KDM4B: variants seen among roughly 807,000 people sequenced by gnomAD.
KDM4B encodes the protein lysine demethylase 4B.
A neutral mutation model predicts 125.2 loss-of-function variants in KDM4B; 32 were observed. The ratio of observed to expected loss-of-function variants is 0.26; its 90% CI spans 0.19 to 0.34. The LOEUF (loss-of-function observed/expected upper bound fraction) is 0.34, where lower values mean the gene tolerates loss of function less well. Among genes scored for constraint, KDM4B ranks in the 10% least tolerant of loss-of-function variants. KDM4B has a pLI of 1.00. For missense variants in KDM4B, 1,190 were observed against 1,577.7 expected (o/e 0.75, Z 4.16); for synonymous variants, 721 against 677.9 (o/e 1.06, Z -0.99).
chr19:5,090,982 C>T (rs1350790036), intron 9 of KDM4B, among the ~76,000 whole-genome samples: 3 of 152,118 alleles, frequency 2.0e-5, no homozygotes, highest in Admixed American at 2.0e-4. Flanking sequence ...CAGGATCCCC[C>T]GGCATGTGCT....
intron 3 of KDM4B, among the ~76,000 whole-genome samples, chr19:5,038,425 T>C (rs1015474059): frequency 1.3e-5 from 2 of 152,178 alleles, no homozygotes; most frequent in Non-Finnish European, 2.9e-5. Context: ...AGCTCCTGGA[T>C]GTCTCCAGAA....
chr19:5,135,247 G>T, intron 14 of KDM4B, 92 bp from the exon 15 acceptor site: 1 of 828,500 alleles, frequency 1.2e-6, no homozygotes, highest in East Asian at 2.6e-5. Flanking sequence ...GGGTGTCGAA[G>T]CCTGGGGCAG....
At position 5,144,363 on chromosome 19, in the gene KDM4B, A is replaced by G. The variant is rs767367756; in HGVS notation, c.2852A>G (p.Asn951Ser). Reference protein sequence around the residue: ...GAASQTCYEVNFDDGSYSDNL... With the variant: ...GAASQTCYEVSFDDGSYSDNL... The stretch of plus-strand genomic sequence containing the variant: ...GCCTCGCAGACCTGCTACGAAGTGA[A>G]CTTCGACGATGGCTCCTACAGCGAC... Residue 951 changes from asparagine (N) to serine (S), a missense_variant, in exon 20 of 23, where the codon AAC (asparagine) becomes AGC (serine). This residue lies in a region of KDM4B where 298 missense variants were observed against 439.7 expected (regional missense o/e 0.68). Transcript: ENST00000159111. The G allele has an allele frequency of 7.1e-7, 1 of 1,405,316 alleles. No homozygotes were observed. Among genetic ancestry groups the G allele is most frequent in the Non-Finnish European group, 9.4e-7 (1 of 1,067,316 alleles). The allele number at this position is 1,405,316 out of a possible 1,614,324, so 87.1% of individuals were successfully genotyped here.
chr19:4,987,504 A>G (rs568915591), intron 1 of KDM4B, among the ~76,000 whole-genome samples: 3 of 152,072 alleles, frequency 2.0e-5, no homozygotes, highest in South Asian at 2.1e-4. Flanking sequence ...CGGGGCTGGC[A>G]TGTCTCTGGT....
intron 1 of KDM4B, among the ~76,000 whole-genome samples, chr19:5,005,160 T>C (rs757926347): frequency 6.6e-6 from 1 of 152,130 alleles, no homozygotes; most frequent in African/African-American, 2.4e-5. Flanking sequence ...GTGTGTGGAG[T>C]TGATGGTGGA....
At position 5,035,438 on chromosome 19, in the gene KDM4B, CCCACCGGGCTCCATGCCCCGGTGTTT is replaced by C. The variant is rs1464280013; in HGVS notation, c.141+2410_141+2435del. 2.0e-5 allele frequency among the ~76,000 whole-genome samples: 3 copies of C among 152,130 alleles called. No individual in the cohort carries two copies. Among genetic ancestry groups the C allele is most frequent in the African/African-American group, 7.2e-5 (3 of 41,438 alleles). ...GTCACTTCTTCCTCATCCCTCACCT[CCCACCGGGCTCCATGCCCCGGTGTTT>C]CCGGCTCTCTCTGCCCTCCACGTGG... is the stretch of plus-strand genomic sequence containing the variant. On this transcript the variant is annotated intron_variant, in intron 3 of 22. Transcript: ENST00000159111. The surrounding 1 kb of genome is among the most constrained non-coding windows in gnomAD (Gnocchi z 5.3).
Position 5,082,591 on chromosome 19 carries a change from C to T in KDM4B, c.918+87C>T, listed in dbSNP as rs2038335333. 2.8e-6 allele frequency: 4 copies of T among 1,430,078 alleles called. No homozygotes were observed. The highest frequency in any genetic ancestry group is 1.9e-4 in the Middle Eastern group (1 of 5,338). 88.6% of individuals were successfully genotyped at this position (1,430,078 alleles called of 1,614,324 possible). On this transcript the variant is annotated intron_variant, in intron 9 of 22. Transcript: ENST00000159111. This position sits in a 1 kb window ranked among gnomAD's most constrained non-coding sequence, Gnocchi z 5.4. ...TGCAGCCACACGCCCATAGCTGGTC[C>T]AGCAGCCGTTTCGCTCAGCCCAGGG...
At chr19:5,097,137 T>C (rs1426345518) in intron 9 of KDM4B, among the ~76,000 whole-genome samples, 1 of 152,086 alleles carries the variant, frequency 6.6e-6, no homozygotes, top group Non-Finnish European at 1.5e-5. Context: ...AGGAGGTGAA[T>C]GGTAACCAAA....
chr19:5,029,941 A>G (rs1249020595), intron 2 of KDM4B, among the ~76,000 whole-genome samples: 1 of 152,178 alleles, frequency 6.6e-6, no homozygotes, highest in Non-Finnish European at 1.5e-5. Flanking sequence ...TCCACCTTCC[A>G]GATGGAAGGG....
chr19:5,000,669 T>G (rs1191835023), intron 1 of KDM4B, among the ~76,000 whole-genome samples: 1 of 152,184 alleles, frequency 6.6e-6, no homozygotes, highest in Non-Finnish European at 1.5e-5. Context: ...TATTTAAAAG[T>G]TTACATGGAT....
intron 13 of KDM4B, among the ~76,000 whole-genome samples, chr19:5,132,352 C>T (rs545923723): frequency 1.3e-4 from 20 of 152,234 alleles, no homozygotes; most frequent in African/African-American, 3.4e-4. Flanking sequence ...AAAAGGCTCC[C>T]GCGAAGCTTT....
chr19:5,135,275 C>T (rs1047705536), intron 14 of KDM4B, 64 bp from the exon 15 acceptor site: 115 of 1,163,266 alleles, frequency 9.9e-5, no homozygotes, highest in Non-Finnish European at 1.3e-4. Flanking sequence ...GAGAGAGGTC[C>T]GCGCCGCCCG....
In KDM4B at chr19:5,061,700, A is replaced by G. The variant is rs149817348; in HGVS notation, c.627-9310A>G. Among the ~76,000 whole-genome samples, 97 of 152,216 alleles carry G rather than the reference A, an allele frequency of 6.4e-4. 2 individuals carry two copies. In the East Asian group the frequency reaches 0.018, roughly 28 times the overall value. On this transcript the variant is annotated intron_variant, in intron 6 of 22. Transcript: ENST00000159111. The stretch of plus-strand genomic sequence containing the variant: ...GGCAACATTGCAAGACTCCATCTCT[A>G]CAAAAAAAGAAGAAAAAATCAGCTG...
chr19:5,029,775 C>T (rs182693009), intron 2 of KDM4B, among the ~76,000 whole-genome samples: 7 of 152,330 alleles, frequency 4.6e-5, no homozygotes, highest in East Asian at 1.9e-4. Flanking sequence ...TGCAGTGAAC[C>T]GTGACCGTGC....
At chr19:5,072,383 G>A (rs758418070) in intron 7 of KDM4B, among the ~76,000 whole-genome samples, 2 of 152,170 alleles carry the variant, frequency 1.3e-5, no homozygotes, top group African/African-American at 4.8e-5. Context: ...CCTGGCATGT[G>A]CTCTCCTGGC....
intron 12 of KDM4B, 50 bp downstream of exon 12, chr19:5,131,595 CA>C: frequency 2.8e-5 from 5 of 181,606 alleles, no homozygotes; most frequent in South Asian, 6.9e-5. Flanking sequence ...TGGGGTGGGG[CA>C]GGGGAGGAGG....
In KDM4B at chr19:5,131,252, G is replaced by A; in HGVS notation, c.1492G>A (p.Glu498Lys). The A allele has an allele frequency of 6.2e-7, 1 of 1,609,504 alleles. No individual in the cohort carries two copies. Among genetic ancestry groups the A allele is most frequent in the Non-Finnish European group, 8.5e-7 (1 of 1,178,354 alleles). The part of the protein sequence containing the change: ...PVLGPGPAAM[E>K]ESPLPAPLNV... ...GCTGGGCCCAGGCCCTGCAGCCATG[G>A]AGGAGAGCCCCCTGCCGGCACCCCT... Residue 498 changes from glutamate to lysine, a missense_variant, in exon 12 of 23, where the codon GAG becomes AAG. Transcript: ENST00000159111.
At chr19:5,137,714 G>A (rs761543899) in intron 17 of KDM4B, 38 bp downstream of exon 17, 4 of 1,542,940 alleles carry the variant, frequency 2.6e-6, no homozygotes, top group African/African-American at 1.4e-5. Context: ...AGGGCCGGAG[G>A]GGAGCCTGCC....
intron 11 of KDM4B, among the ~76,000 whole-genome samples, chr19:5,129,232 G>A (rs2039502377): frequency 6.6e-6 from 1 of 152,174 alleles, no homozygotes; most frequent in Non-Finnish European, 1.5e-5. Flanking sequence ...GGAGGCTGTG[G>A]GCTGGGGGCC....
Sources: gnomAD v4.1 joint callset for allele counts (sites outside exome capture counted in the v4.1 genomes callset) on GRCh38, gnomAD v4.1.1 for gene constraint, gnomAD v4.1.1 regional missense constraint, Gnocchi (gnomAD v3.1) non-coding constraint, MANE v1.5 for transcripts, NCBI Gene and HGNC (gene_info 2026-07-23, HGNC 2026-07-21) for gene names.